NYAP2: variants seen among roughly 807,000 people sequenced by gnomAD.
NYAP2 encodes the protein neuronal tyrosine-phosphorylated phosphoinositide-3-kinase adapter 2.
A neutral mutation model predicts 50.4 loss-of-function variants in NYAP2; 23 were observed. The ratio of observed to expected loss-of-function variants is 0.46; its 90% CI spans 0.33 to 0.65. The LOEUF (loss-of-function observed/expected upper bound fraction) is 0.65. NYAP2 is among the 30% of genes least tolerant of loss of function. The pLI, the probability that NYAP2 is intolerant of heterozygous loss-of-function variation, is 0.02. For synonymous variants in NYAP2, 394 were observed against 365.2 expected (o/e 1.08, Z -0.90); for missense variants, 885 against 861.0 (o/e 1.03, Z -0.35).
chr2:225,607,355 G>C (rs539066207), intron 5 of NYAP2, among the ~76,000 whole-genome samples: 1 of 152,184 alleles, frequency 6.6e-6, no homozygotes, highest in Admixed American at 6.5e-5. Flanking sequence ...TACTATGCCA[G>C]TCTATTCAGC....
intron 3 of NYAP2, among the ~76,000 whole-genome samples, chr2:225,473,919 C>A (rs1690056550): frequency 6.6e-6 from 1 of 152,146 alleles, no homozygotes; most frequent in African/African-American, 2.4e-5. Context: ...CCTAGGTTTT[C>A]TTCTAGGGTT....
At chr2:225,505,393 G>T (rs1690686816) in intron 3 of NYAP2, among the ~76,000 whole-genome samples, 2 of 152,308 alleles carry the variant, frequency 1.3e-5, no homozygotes, top group African/African-American at 4.8e-5. Flanking sequence ...GCTCAGGGAA[G>T]ACATTAAGGG....
chr2:225,579,703 C>T (rs1054681985), intron 4 of NYAP2, among the ~76,000 whole-genome samples: 10 of 152,132 alleles, frequency 6.6e-5, no homozygotes, highest in African/African-American at 2.2e-4. Flanking sequence ...CCAGATCTGC[C>T]ACTGAAAGCC....
chr2:225,405,153 A>T (rs115861087), intron 2 of NYAP2, among the ~76,000 whole-genome samples: 135 of 152,156 alleles, frequency 8.9e-4, no homozygotes, highest in African/African-American at 3.2e-3. Flanking sequence ...CAATGAACTC[A>T]ATTAAAGGGA....
intron 4 of NYAP2, among the ~76,000 whole-genome samples, chr2:225,553,968 C>T (rs959992960): frequency 8.6e-5 from 13 of 151,936 alleles, no homozygotes; most frequent in African/African-American, 2.2e-4. Flanking sequence ...TGTAGTGAGC[C>T]GAGTTTGCCC....
At chr2:225,665,973 G>C in the NYAP2 span, among the ~76,000 whole-genome samples, 6 of 151,800 alleles carry the variant, frequency 4.0e-5, no homozygotes, top group Non-Finnish European at 7.4e-5. Context: ...GGAGTGGCTA[G>C]ACCTGGGGAA....
chr2:225,622,541 CT>C (rs1158680997), intron 5 of NYAP2, among the ~76,000 whole-genome samples: 3 of 64,680 alleles, frequency 4.6e-5, no homozygotes, highest in Admixed American at 1.7e-4. Context: ...TTCTTTCTTT[CT>C]TTCTTTCTTT....
At chr2:225,474,771 C>T (rs1024866334) in intron 3 of NYAP2, among the ~76,000 whole-genome samples, 49 of 152,364 alleles carry the variant, frequency 3.2e-4, no homozygotes, top group African/African-American at 1.1e-3. Flanking sequence ...GACAATTTGA[C>T]TTCCTCTTTT....
chr2:225,457,719 G>T (rs190253987), intron 3 of NYAP2, among the ~76,000 whole-genome samples: 1 of 152,234 alleles, frequency 6.6e-6, no homozygotes, highest in Admixed American at 6.5e-5. Context: ...GAGTGTATTT[G>T]TGAACACAGA....
At chr2:225,513,450 G>A (rs750054802) in exon 4 of NYAP2, 2 of 1,613,986 alleles carry the variant, frequency 1.2e-6, no homozygotes, top group Non-Finnish European at 1.7e-6. Context: ...GACAATGCCT[G>A]CTCCTCAGGA....
the NYAP2 span, among the ~76,000 whole-genome samples, chr2:225,691,884 T>A: frequency 2.0e-5 from 3 of 152,038 alleles, no homozygotes; most frequent in Non-Finnish European, 4.4e-5. Context: ...AAACTTACAC[T>A]CCTTATGCAG....
chr2:225,599,061 T>G (rs1194996945), intron 5 of NYAP2, among the ~76,000 whole-genome samples: 2 of 152,140 alleles, frequency 1.3e-5, no homozygotes, highest in Non-Finnish European at 2.9e-5. Flanking sequence ...CCTCCTTCTC[T>G]CTCTCTCTCA....
At chr2:225,627,514 A>G (rs1693230708) in intron 6 of NYAP2, among the ~76,000 whole-genome samples, 1 of 152,230 alleles carries the variant, frequency 6.6e-6, no homozygotes, top group Admixed American at 6.5e-5. Context: ...CAACTGATAA[A>G]AAATGAACAA....
At chr2:225,460,173 C>T (rs1484360856) in intron 3 of NYAP2, among the ~76,000 whole-genome samples, 1 of 151,986 alleles carries the variant, frequency 6.6e-6, no homozygotes, top group Non-Finnish European at 1.5e-5. Flanking sequence ...TATCTATCAC[C>T]CATAATATTA....
intron 4 of NYAP2, among the ~76,000 whole-genome samples, chr2:225,534,943 A>G (rs1574663574): frequency 6.6e-6 from 1 of 152,220 alleles, no homozygotes. Context: ...GGAACTGTGC[A>G]AGGCAGGACT....
chr2:225,701,773 C>A, the NYAP2 span: 1 of 151,670 alleles, frequency 6.6e-6, no homozygotes, highest in African/African-American at 2.4e-5. Flanking sequence ...TGCCAATTGT[C>A]TGGAGACAAC....
intron 3 of NYAP2, among the ~76,000 whole-genome samples, chr2:225,476,906 T>G (rs1690123577): frequency 6.6e-6 from 1 of 152,222 alleles, no homozygotes; most frequent in Non-Finnish European, 1.5e-5. Flanking sequence ...TTTGTATAAT[T>G]GACTTTAAAA....
chr2:225,427,567 C>T (rs1695305606), intron 3 of NYAP2, among the ~76,000 whole-genome samples: 1 of 152,170 alleles, frequency 6.6e-6, no homozygotes, highest in Non-Finnish European at 1.5e-5. Flanking sequence ...GTGGCTCCTT[C>T]CCTGTCCAAG....
At chr2:225,569,403 T>C (rs1692025393) in intron 4 of NYAP2, among the ~76,000 whole-genome samples, 1 of 151,994 alleles carries the variant, frequency 6.6e-6, no homozygotes, top group Non-Finnish European at 1.5e-5. Context: ...TTCTGTGCTT[T>C]CAAAGAGAGA....
Sources: allele counts gnomAD v4.1 joint callset (sites outside exome capture counted in the v4.1 genomes callset), GRCh38; gene constraint gnomAD v4.1.1; transcripts MANE v1.5; gene names NCBI Gene and HGNC (gene_info 2026-07-23, HGNC 2026-07-21).